The following KMT2E variants were observed in gnomAD, a reference collection of about 807,000 sequenced individuals.
KMT2E encodes lysine methyltransferase 2E (inactive).
A neutral mutation model predicts 184.6 loss-of-function variants in KMT2E; 30 were observed. The ratio of observed to expected loss-of-function variants is 0.16; its 90% CI spans 0.12 to 0.22. The LOEUF is 0.22. KMT2E is among the 10% of genes least tolerant of loss of function. The probability of loss-of-function intolerance (pLI) is 1.00; values close to 1 mark genes in which losing one functional copy is unlikely to be tolerated. For missense variants in KMT2E, 2,023 were observed against 2,237.4 expected, an observed-to-expected ratio of 0.90 and a Z score of 1.93; for synonymous variants, 815 against 776.5, an observed-to-expected ratio of 1.05 and a Z score of -0.82.
intron 11 of KMT2E, among the ~76,000 whole-genome samples, 189 bp from the exon 12 acceptor site, chr7:105,078,657 C>CTT (rs71152940): frequency 2.1e-4 from 10 of 46,724 alleles, no homozygotes; most frequent in African/African-American, 2.8e-4. Context: ...CATGCCTGGC[C>CTT]TTTTTTTTTT....
chr7:105,052,419 A>G (rs1041543098), intron 3 of KMT2E, among the ~76,000 whole-genome samples: 1 of 152,244 alleles, frequency 6.6e-6, no homozygotes, highest in Non-Finnish European at 1.5e-5. Flanking sequence ...TTACTAAAAC[A>G]TAAGCTTTAT....
chr7:105,109,242 G>A lies in KMT2E; in HGVS notation c.3755+14G>A, dbSNP rs760752304. ...AGAAGTTCAATGGTAAGCCCATTGTGAAGTATGCTACTCTGGAAAAAACAA... is the reference window on the plus strand; with the variant it reads ...AGAAGTTCAATGGTAAGCCCATTGTAAAGTATGCTACTCTGGAAAAAACAA... On this transcript the variant is annotated intron_variant, in intron 23 of 26. Transcript: ENST00000311117. The A allele has an allele frequency of 1.2e-6, 2 of 1,610,858 alleles. No homozygotes were observed. The highest frequency in any genetic ancestry group is 1.7e-6 in the Non-Finnish European group (2 of 1,178,184).
At chr7:105,110,453 G>C (rs904646636) in intron 24 of KMT2E, 24 bp from the exon 25 acceptor site, 3 of 1,614,042 alleles carry the variant, frequency 1.9e-6, no homozygotes, top group Admixed American at 3.3e-5. Flanking sequence ...TGTTCTCTTT[G>C]GGTCTGCTCT....
At chr7:105,018,736 G>A (rs1010305970) in intron 1 of KMT2E, among the ~76,000 whole-genome samples, 16 of 152,128 alleles carry the variant, frequency 1.1e-4, no homozygotes, top group Admixed American at 7.2e-4. Flanking sequence ...GAAGTGGCTC[G>A]TATTTACTAC....
chr7:105,064,172 T>TTG, intron 5 of KMT2E: 1 of 280,656 alleles, frequency 3.6e-6, no homozygotes, highest in South Asian at 2.8e-5. Context: ...TGGTTTTTTT[T>TTG]TTTTTTTTTT....
intron 13 of KMT2E, among the ~76,000 whole-genome samples, chr7:105,082,638 AGG>A (rs1398362208): frequency 2.2e-4 from 33 of 152,064 alleles, no homozygotes; most frequent in African/African-American, 7.7e-4. Flanking sequence ...CAGAGGGAGA[AGG>A]GGTAGTAGAA....
chr7:105,014,890 A>G (rs1414369680), intron 1 of KMT2E, among the ~76,000 whole-genome samples: 1 of 152,080 alleles, frequency 6.6e-6, no homozygotes, highest in Non-Finnish European at 1.5e-5. Context: ...GTTTGTGTCG[A>G]AGTGGTCCCA....
chr7:105,110,179 G>C, intron 23 of KMT2E, 101 bp from the exon 24 acceptor site: 1 of 933,988 alleles, frequency 1.1e-6, no homozygotes, highest in Non-Finnish European at 1.7e-6. Context: ...TTTCCCAGTA[G>C]ATCAAAAGCC....
intron 3 of KMT2E, among the ~76,000 whole-genome samples, chr7:105,054,445 GC>G (rs1796479038): frequency 7.6e-6 from 1 of 131,792 alleles, no homozygotes; most frequent in African/African-American, 3.3e-5. Context: ...AAAGCAAGTT[GC>G]TCTGTCTGTC....
At chr7:105,027,592 T>G (rs1795224532) in intron 1 of KMT2E, among the ~76,000 whole-genome samples, 1 of 152,192 alleles carries the variant, frequency 6.6e-6, no homozygotes, top group African/African-American at 2.4e-5. Context: ...CATAATTCAT[T>G]TTTGTGTGTA....
chr7:105,083,182 CA>C (rs1200089957), intron 13 of KMT2E, among the ~76,000 whole-genome samples: 1 of 152,238 alleles, frequency 6.6e-6, no homozygotes, highest in Non-Finnish European at 1.5e-5. Context: ...ATGGCTTTCA[CA>C]GCTTTTTCTA....
At chr7:105,057,080 A>C (rs555857125) in intron 3 of KMT2E, among the ~76,000 whole-genome samples, 7 of 152,238 alleles carry the variant, frequency 4.6e-5, no homozygotes, top group Non-Finnish European at 8.8e-5. Flanking sequence ...AAAATTATGG[A>C]GTTGAAGCAG....
chr7:105,088,928 A>G (rs1333678996), intron 13 of KMT2E, among the ~76,000 whole-genome samples: 1 of 152,238 alleles, frequency 6.6e-6, no homozygotes, highest in Non-Finnish European at 1.5e-5. Flanking sequence ...GGTTGTTGCT[A>G]TCATTCTTTA....
At chr7:105,079,829 CATTATTATTATT>C (rs111633846) in intron 12 of KMT2E, among the ~76,000 whole-genome samples, 1 of 146,690 alleles carries the variant, frequency 6.8e-6, no homozygotes, top group Non-Finnish European at 1.5e-5. Context: ...CTTTTTAAAT[CATTATTATTATT>C]ATTATTATTA....
intron 9 of KMT2E, 86 bp downstream of exon 9, chr7:105,076,167 C>G: frequency 1.1e-6 from 1 of 941,274 alleles, no homozygotes; most frequent in Non-Finnish European, 1.7e-6. Flanking sequence ...TTACTTAATG[C>G]TCTGTTTATT....
At chr7:105,019,472 A>G (rs1794856810) in intron 1 of KMT2E, among the ~76,000 whole-genome samples, 1 of 152,238 alleles carries the variant, frequency 6.6e-6, no homozygotes. Flanking sequence ...TTTCAATGCA[A>G]CAGGTCAACA....
At chr7:105,054,016 TAAA>T (rs1369249466) in intron 3 of KMT2E, among the ~76,000 whole-genome samples, 1 of 151,416 alleles carries the variant, frequency 6.6e-6, no homozygotes, top group Non-Finnish European at 1.5e-5. Context: ...CTACTAAAAA[TAAA>T]AAAACTTACC....
intron 12 of KMT2E, among the ~76,000 whole-genome samples, chr7:105,079,347 G>A (rs1797661699): frequency 6.6e-6 from 1 of 151,410 alleles, no homozygotes; most frequent in Admixed American, 6.6e-5. Context: ...TTTTGACCAG[G>A]CTGGTCTCGA....
chr7:105,109,379 G>A, intron 23 of KMT2E, 151 bp downstream of exon 23: 1 of 745,504 alleles, frequency 1.3e-6, no homozygotes, highest in Non-Finnish European at 2.1e-6. Context: ...TAAGCCAGCT[G>A]TGTATGGCCT....
Sources: gnomAD v4.1 joint callset for allele counts (sites outside exome capture counted in the v4.1 genomes callset) on GRCh38, gnomAD v4.1.1 for gene constraint, MANE v1.5 for transcripts, NCBI Gene and HGNC (gene_info 2026-07-23, HGNC 2026-07-21) for gene names.